Variants in ZFHX3 observed in about 807,000 individuals in gnomAD.
ZFHX3 encodes zinc finger homeobox 3.
In ZFHX3, 42 loss-of-function variants were observed where a neutral mutation model predicts 279.1. The ratio of observed to expected loss-of-function variants is 0.15; its 90% CI spans 0.12 to 0.19. ZFHX3 has a LOEUF of 0.19. Among genes scored for constraint, ZFHX3 ranks in the 10% least tolerant of loss-of-function variants. ZFHX3 has a pLI of 1.00. For missense variants in ZFHX3, 4,981 were observed against 4,754.0 expected (o/e 1.05, Z -1.40); for synonymous variants, 2,293 against 1,957.8 (o/e 1.17, Z -4.52).
At chr16:72,975,268 A>C (rs544538755) in intron 1 of ZFHX3, among the ~76,000 whole-genome samples, 2 of 152,078 alleles carry the variant, frequency 1.3e-5, no homozygotes, top group South Asian at 4.2e-4. Context: ...ATAGTGAAAC[A>C]CCCTCTATAC....
At chr16:73,242,061 G>A (rs1273543951) in intron 5 of ZFHX3, among the ~76,000 whole-genome samples, 1 of 152,130 alleles carries the variant, frequency 6.6e-6, no homozygotes. Flanking sequence ...GGTAATCATT[G>A]CTTTTGCTAG....
chr16:73,429,097 C>G (rs921994249), intron 3 of ZFHX3, among the ~76,000 whole-genome samples: 1 of 152,182 alleles, frequency 6.6e-6, no homozygotes, highest in African/African-American at 2.4e-5. Context: ...ACACCTGGGG[C>G]AGGGCCCTCC....
At chr16:73,209,968 G>T (rs1382641704) in intron 5 of ZFHX3, among the ~76,000 whole-genome samples, 1 of 152,140 alleles carries the variant, frequency 6.6e-6, no homozygotes, top group East Asian at 1.9e-4. Flanking sequence ...CCTTCTCTAA[G>T]AAATGAGCAT....
intron 5 of ZFHX3, among the ~76,000 whole-genome samples, chr16:73,154,171 A>G (rs1338666393): frequency 6.6e-6 from 1 of 152,164 alleles, no homozygotes; most frequent in Non-Finnish European, 1.5e-5. Context: ...TGGGTATTGC[A>G]GAACTGCAGC....
chr16:73,036,454 G>T (rs1422653782), intron 1 of ZFHX3, among the ~76,000 whole-genome samples: 1 of 152,088 alleles, frequency 6.6e-6, no homozygotes, highest in African/African-American at 2.4e-5. Flanking sequence ...AGGGATGGGT[G>T]GGGGGATGTA....
intron 1 of ZFHX3, among the ~76,000 whole-genome samples, chr16:72,995,726 C>G (rs1963259970): frequency 6.6e-6 from 1 of 152,200 alleles, no homozygotes; most frequent in African/African-American, 2.4e-5. Flanking sequence ...GCTGCAAGAC[C>G]TTGGGCCAAT....
At chr16:73,068,802 G>C (rs966522093) in intron 8 of ZFHX3, among the ~76,000 whole-genome samples, 10 of 152,190 alleles carry the variant, frequency 6.6e-5, no homozygotes, top group Non-Finnish European at 1.2e-4. Flanking sequence ...GGGAACTCCT[G>C]GTCACTTGAG....
chr16:73,182,074 C>T (rs893320544), intron 5 of ZFHX3, among the ~76,000 whole-genome samples: 1 of 152,200 alleles, frequency 6.6e-6, no homozygotes, highest in African/African-American at 2.4e-5. Context: ...CTAGACAAGG[C>T]TCAGAATCTT....
At chr16:72,887,843 G>A (rs72795114) in intron 4 of ZFHX3, among the ~76,000 whole-genome samples, 3,283 of 152,100 alleles carry the variant, frequency 0.022, 57 homozygotes, top group Middle Eastern at 0.041. Flanking sequence ...AGCGTGGATG[G>A]AATGTGTAGG....
intron 2 of ZFHX3, among the ~76,000 whole-genome samples, chr16:73,525,812 A>G (rs1323627671): frequency 1.3e-5 from 2 of 152,196 alleles, no homozygotes; most frequent in African/African-American, 2.4e-5. Context: ...TTTTTCTCTT[A>G]GGAGTTTTGA....
At chr16:73,135,024 G>GT (rs1297307357) in intron 6 of ZFHX3, among the ~76,000 whole-genome samples, 2 of 152,018 alleles carry the variant, frequency 1.3e-5, no homozygotes, top group Non-Finnish European at 2.9e-5. Context: ...AGACTCAGGG[G>GT]TTTTTTGTTA....
At position 72,950,685 on chromosome 16, in the gene ZFHX3, C is replaced by G. The variant is rs774805376; in HGVS notation, c.3000G>C (p.Gln1000His). Residue 1000 changes from glutamine to histidine, a missense_variant, in exon 3 of 10, where the codon CAG (glutamine) becomes CAC (histidine). Coordinates refer to ENST00000268489, the MANE Select transcript of ZFHX3 (RefSeq NM_006885.4). ...CGTGCTTGTCTGTCTTGCAGTGCAG[C>G]TGGAAGTTGGCCTTGAGCTGGGTGT... ...RYNTQLKANF[Q>H]LHCKTDKHVQ... 1.2e-6 allele frequency: 2 copies of G among 1,614,244 alleles called. No individual in the cohort carries two copies. Among genetic ancestry groups the G allele is most frequent in the Non-Finnish European group, 1.7e-6 (2 of 1,180,052 alleles).
At chr16:72,933,926 C>G (rs1392101144) in intron 3 of ZFHX3, among the ~76,000 whole-genome samples, 3 of 148,866 alleles carry the variant, frequency 2.0e-5, no homozygotes, top group Admixed American at 6.9e-5. Context: ...TCATGCCATT[C>G]TCCCACCTCA....
rs554725074 is a variant in ZFHX3, at chr16:73,482,099, C to T, written c.-1546-25841G>A. 7.2e-5 allele frequency among the ~76,000 whole-genome samples: 11 copies of T among 152,134 alleles called. No individual in the cohort carries two copies. In the East Asian group the frequency reaches 1.5e-3, roughly 21 times the overall value. ...GCTTAGAGCTGTGAGAGCCACTCAG[C>T]GCAAGTGTATACGAGTGGAAAAATG... is the stretch of plus-strand genomic sequence containing the variant. On this transcript the variant is annotated intron_variant, in intron 2 of 17. Coordinates refer to the ZFHX3 transcript ENST00000641206.
intron 2 of ZFHX3, among the ~76,000 whole-genome samples, chr16:73,635,282 T>C (rs1169808160): frequency 6.6e-6 from 1 of 152,210 alleles, no homozygotes; most frequent in Non-Finnish European, 1.5e-5. Flanking sequence ...TTGTATTCTA[T>C]CAAATTACTG....
intron 1 of ZFHX3, among the ~76,000 whole-genome samples, chr16:73,849,764 G>A (rs771742060): frequency 4.6e-5 from 7 of 152,116 alleles, no homozygotes; most frequent in Non-Finnish European, 7.4e-5. Context: ...ACGGACTCTC[G>A]CTCTGTCGCC....
chr16:73,105,420 T>G (rs111228332), intron 7 of ZFHX3, among the ~76,000 whole-genome samples: 1 of 77,962 alleles, frequency 1.3e-5, no homozygotes, highest in East Asian at 4.2e-4. Flanking sequence ...CACACACACA[T>G]ATATATATAT....
intron 3 of ZFHX3, among the ~76,000 whole-genome samples, chr16:73,359,055 G>A (rs886857586): frequency 2.0e-4 from 30 of 152,232 alleles, no homozygotes; most frequent in Non-Finnish European, 4.3e-4. Flanking sequence ...ATAATTTTTG[G>A]AAATTGAGCA....
chr16:73,633,145 T>A (rs558082419), intron 2 of ZFHX3, among the ~76,000 whole-genome samples: 1 of 152,220 alleles, frequency 6.6e-6, no homozygotes, highest in South Asian at 2.1e-4. Flanking sequence ...TCAAACATCA[T>A]CTTAAAATTA....
Sources: allele counts gnomAD v4.1 joint callset (sites outside exome capture counted in the v4.1 genomes callset), GRCh38; gene constraint gnomAD v4.1.1; transcripts MANE v1.5; gene names NCBI Gene and HGNC (gene_info 2026-07-23, HGNC 2026-07-21).